The following WWOX variants were observed in gnomAD, a reference collection of about 807,000 sequenced individuals.
WWOX encodes WW domain-containing oxidoreductase.
A neutral mutation model predicts 46.2 loss-of-function variants in WWOX; 69 were observed. The ratio of observed to expected loss-of-function variants is 1.49; its 90% CI spans 1.23 to 1.82. WWOX has a LOEUF of 1.82. Among genes scored for constraint, WWOX ranks in the 40% most tolerant of loss-of-function variants. The pLI, the probability that WWOX is intolerant of heterozygous loss-of-function variation, is 0.00. For missense variants in WWOX, 919 were observed against 542.6 expected, an observed-to-expected ratio of 1.69 and a Z score of -6.89; for synonymous variants, 359 against 202.6, an observed-to-expected ratio of 1.77 and a Z score of -6.56.
chr16:78,542,386 A>G (rs1348014052), intron 8 of WWOX, among the ~76,000 whole-genome samples: 1 of 152,160 alleles, frequency 6.6e-6, no homozygotes, highest in Non-Finnish European at 1.5e-5. Context: ...GGCAATCAGA[A>G]GAAGACAGAG....
At chr16:79,038,567 G>A (rs1422977922) in intron 8 of WWOX, among the ~76,000 whole-genome samples, 1 of 151,100 alleles carries the variant, frequency 6.6e-6, no homozygotes, top group Non-Finnish European at 1.5e-5. Flanking sequence ...TATTTTTTTT[G>A]AGACAGAGTT....
At chr16:78,709,617 T>G (rs1237428609) in intron 8 of WWOX, among the ~76,000 whole-genome samples, 2 of 152,184 alleles carry the variant, frequency 1.3e-5, no homozygotes, top group African/African-American at 4.8e-5. Context: ...GTGGGTACCT[T>G]CACATTTCAG....
intron 8 of WWOX, among the ~76,000 whole-genome samples, chr16:78,829,086 AGATG>A (rs59225171): frequency 0.074 from 10,868 of 147,670 alleles, 1,088 homozygotes; most frequent in African/African-American, 0.24. Context: ...TCCATCTGGA[AGATG>A]GATGGATGGA....
chr16:78,766,893 C>T (rs1226553907), intron 8 of WWOX, among the ~76,000 whole-genome samples: 2 of 152,144 alleles, frequency 1.3e-5, no homozygotes, highest in East Asian at 1.9e-4. Flanking sequence ...TTACCTATAC[C>T]TAAAATATTT....
chr16:78,592,395 T>A (rs971109582), intron 8 of WWOX, among the ~76,000 whole-genome samples: 24 of 152,196 alleles, frequency 1.6e-4, no homozygotes, highest in Non-Finnish European at 7.3e-5. Context: ...CAGAAGTTCC[T>A]GTATTAAATT....
chr16:78,484,273 C>T (rs1029958084), intron 8 of WWOX, among the ~76,000 whole-genome samples: 4 of 152,104 alleles, frequency 2.6e-5, no homozygotes, highest in Admixed American at 1.3e-4. Flanking sequence ...AAGTACTATA[C>T]ATTTGTCTTA....
At chr16:78,931,672 C>T (rs1171479040) in intron 8 of WWOX, among the ~76,000 whole-genome samples, 1 of 152,148 alleles carries the variant, frequency 6.6e-6, no homozygotes, top group Non-Finnish European at 1.5e-5. Context: ...TACAGATCTG[C>T]CTGGAATACA....
chr16:78,592,098 C>A (rs1274441468), intron 8 of WWOX, among the ~76,000 whole-genome samples: 1 of 152,054 alleles, frequency 6.6e-6, no homozygotes, highest in East Asian at 1.9e-4. Context: ...CAGCTGCAGT[C>A]AATATCCATT....
At chr16:78,614,223 C>G (rs566733811) in intron 8 of WWOX, among the ~76,000 whole-genome samples, 2 of 152,220 alleles carry the variant, frequency 1.3e-5, no homozygotes, top group South Asian at 4.1e-4. Flanking sequence ...AAAGAACTAT[C>G]TGTGTTGACA....
intron 8 of WWOX, among the ~76,000 whole-genome samples, chr16:78,436,218 A>G (rs2083332716): frequency 6.6e-6 from 1 of 152,128 alleles, no homozygotes; most frequent in Non-Finnish European, 1.5e-5. Context: ...CTGACAGAAC[A>G]AGAGTCTGCA....
At chr16:78,243,766 C>T (rs1018356863) in intron 5 of WWOX, among the ~76,000 whole-genome samples, 12 of 152,274 alleles carry the variant, frequency 7.9e-5, no homozygotes, top group African/African-American at 9.6e-5. Context: ...AGGCTGGTCA[C>T]GAACTCCTGA....
chr16:78,337,204 A>C (rs534310860), intron 5 of WWOX, among the ~76,000 whole-genome samples: 1 of 152,342 alleles, frequency 6.6e-6, no homozygotes, highest in Non-Finnish European at 1.5e-5. Context: ...GTTATTAGCA[A>C]ATCCCTCAAT....
intron 5 of WWOX, among the ~76,000 whole-genome samples, chr16:78,358,911 T>G (rs1268690673): frequency 6.7e-6 from 1 of 149,016 alleles, no homozygotes; most frequent in East Asian, 2.0e-4. Flanking sequence ...GCCATGTTTC[T>G]ATGTCAATAC....
chr16:78,555,781 C>T (rs1047432101), intron 8 of WWOX, among the ~76,000 whole-genome samples: 2 of 152,078 alleles, frequency 1.3e-5, no homozygotes, highest in Non-Finnish European at 2.9e-5. Context: ...TCTTGTTTGA[C>T]TTTGCCCACA....
intron 6 of WWOX, among the ~76,000 whole-genome samples, chr16:78,420,841 A>G (rs1031246097): frequency 1.3e-5 from 2 of 152,174 alleles, no homozygotes; most frequent in African/African-American, 4.8e-5. Context: ...GGAAAATACC[A>G]AAAACCATAA....
chr16:78,649,348 A>G (rs1236335755), intron 8 of WWOX, among the ~76,000 whole-genome samples: 2 of 151,358 alleles, frequency 1.3e-5, no homozygotes, highest in Non-Finnish European at 2.9e-5. Context: ...CAGTGGTGCA[A>G]TCCTAGCTTA....
chr16:78,791,946 C>G (rs1196606065), intron 8 of WWOX, among the ~76,000 whole-genome samples: 2 of 152,124 alleles, frequency 1.3e-5, no homozygotes, highest in Non-Finnish European at 2.9e-5. Flanking sequence ...GCCTTCTCTT[C>G]ACAAGTTTTT....
intron 4 of WWOX, among the ~76,000 whole-genome samples, chr16:78,117,890 G>T (rs754709419): frequency 6.6e-6 from 1 of 151,984 alleles, no homozygotes; most frequent in African/African-American, 2.4e-5. Flanking sequence ...GTGAATGTCC[G>T]TTTTCTCTAA....
rs557754915 is a variant in WWOX, at chr16:78,360,361, T to C, written c.517-26499T>C. On this transcript the variant is annotated intron_variant, in intron 5 of 8. Coordinates refer to ENST00000566780, the MANE Select transcript of WWOX (RefSeq NM_016373.4). ...AGCACTTTGGGAGGCCGAAGCGGGC[T>C]GATCCCTTGAGGCCAGGAGTTCAAG... Among the ~76,000 whole-genome samples the C allele has an allele frequency of 2.6e-5, 4 of 152,176 alleles. No homozygotes were observed. The South Asian group carries it at 8.3e-4, about 32-fold the overall frequency.
Sources: gnomAD v4.1 joint callset for allele counts (sites outside exome capture counted in the v4.1 genomes callset) on GRCh38, gnomAD v4.1.1 for gene constraint, MANE v1.5 for transcripts, NCBI Gene and HGNC (gene_info 2026-07-23, HGNC 2026-07-21) for gene names.